SLC25A21: variants seen among roughly 807,000 people sequenced by gnomAD.
SLC25A21 encodes solute carrier family 25 member 21.
Under a neutral mutation model 43.8 loss-of-function variants are expected in SLC25A21, and 47 were observed. The observed-to-expected ratio is 1.07, with a 90% CI of 0.85 to 1.37. The LOEUF (loss-of-function observed/expected upper bound fraction) is 1.37. SLC25A21 is among the 40% of genes most tolerant of loss of function. SLC25A21 has a pLI of 0.00. For synonymous variants in SLC25A21, 131 were observed against 121.3 expected (o/e 1.08, Z -0.52); for missense variants, 352 against 350.2 (o/e 1.00, Z -0.04).
chr14:36,856,475 G>C (rs1285546129), intron 2 of SLC25A21, among the ~76,000 whole-genome samples: 6 of 152,150 alleles, frequency 3.9e-5, no homozygotes, highest in Non-Finnish European at 8.8e-5. Context: ...CTGCGAGTGG[G>C]CACTGGGGAG....
intron 4 of SLC25A21, among the ~76,000 whole-genome samples, chr14:36,730,972 GGT>G (rs1491277993): frequency 4.0e-4 from 60 of 149,132 alleles, no homozygotes; most frequent in Middle Eastern, 3.4e-3. Context: ...TATAATCTTA[GGT>G]TTTTTTTTTT....
At chr14:37,004,792 A>T (rs1376452070) in intron 1 of SLC25A21, among the ~76,000 whole-genome samples, 1 of 151,126 alleles carries the variant, frequency 6.6e-6, no homozygotes, top group East Asian at 2.0e-4. Context: ...TAGGGGGCAG[A>T]GCCGAGACTC....
chr14:36,678,186 T>G lies in SLC25A21; in HGVS notation c.*2472A>C. 1 of 447,488 alleles carries G rather than the reference T, an allele frequency of 2.2e-6. No homozygotes were observed. The highest frequency in any genetic ancestry group is 4.1e-6 in the Non-Finnish European group (1 of 246,722). 27.7% of individuals were successfully genotyped at this position (447,488 alleles called of 1,614,324 possible). A position where few individuals can be genotyped will look rare whatever the true frequency, so the allele number is the denominator to read the frequency against. ...GGCAATGCGGTTCCACCACATCGGT[T>G]TCGTGGCTTCGTTTAAAACTCAGAT... On this transcript the variant is annotated 3_prime_UTR_variant, in exon 10 of 10. Transcript: ENST00000331299.
chr14:37,009,952 TG>T (rs1264837179), intron 1 of SLC25A21, among the ~76,000 whole-genome samples: 1 of 152,158 alleles, frequency 6.6e-6, no homozygotes, highest in Non-Finnish European at 1.5e-5. Context: ...CTCAAATAAT[TG>T]TCTAATCTAG....
intron 2 of SLC25A21, among the ~76,000 whole-genome samples, chr14:36,850,730 C>T (rs1009971900): frequency 7.9e-5 from 12 of 152,138 alleles, no homozygotes; most frequent in African/African-American, 1.7e-4. Context: ...GCACAGGGCA[C>T]GAAAGCCTGA....
At position 36,947,809 on chromosome 14, in the gene SLC25A21, G is replaced by A. The variant is rs112429132; in HGVS notation, c.71-72805C>T. On this transcript the variant is annotated intron_variant, in intron 1 of 9. Coordinates refer to ENST00000331299, the MANE Select transcript of SLC25A21 (RefSeq NM_030631.4). ...GTGAAAGCATCTCAGGTTTTATTAG[G>A]TTAGTAATCCGATATTCATTTTTCC... Among the ~76,000 whole-genome samples, 284 of 152,184 alleles carry A rather than the reference G, an allele frequency of 1.9e-3. 2 individuals are homozygous for A. The highest frequency in any genetic ancestry group is 6.3e-3 in the African/African-American group (263 of 41,532).
At chr14:36,852,537 T>G (rs1889772927) in intron 2 of SLC25A21, among the ~76,000 whole-genome samples, 1 of 152,212 alleles carries the variant, frequency 6.6e-6, no homozygotes, top group Non-Finnish European at 1.5e-5. Context: ...TAGATTCCAC[T>G]CATTTCAAGG....
intron 1 of SLC25A21, among the ~76,000 whole-genome samples, chr14:36,884,131 T>G (rs1470997408): frequency 6.6e-6 from 1 of 152,178 alleles, no homozygotes; most frequent in Non-Finnish European, 1.5e-5. Context: ...ACATCTCCCC[T>G]TTCCCCATCC....
chr14:36,826,569 C>T (rs1385480003), intron 2 of SLC25A21, among the ~76,000 whole-genome samples: 1 of 152,170 alleles, frequency 6.6e-6, no homozygotes, highest in Non-Finnish European at 1.5e-5. Flanking sequence ...ACCAGAGAAC[C>T]TAGCTTGATT....
intron 1 of SLC25A21, among the ~76,000 whole-genome samples, chr14:36,891,240 T>G (rs1891064055): frequency 6.6e-6 from 1 of 152,320 alleles, no homozygotes; most frequent in South Asian, 2.1e-4. Context: ...CTTGGAATTC[T>G]ACAGGGTGAC....
At chr14:37,091,564 A>C (rs1436044338) in intron 1 of SLC25A21, among the ~76,000 whole-genome samples, 1 of 152,222 alleles carries the variant, frequency 6.6e-6, no homozygotes, top group Non-Finnish European at 1.5e-5. Flanking sequence ...TTCTTACAGT[A>C]TGACAACGGA....
intron 1 of SLC25A21, among the ~76,000 whole-genome samples, chr14:37,014,592 GT>G (rs769674390): frequency 1.2e-4 from 18 of 152,196 alleles, no homozygotes; most frequent in Non-Finnish European, 1.6e-4. Context: ...CCAAACTCCT[GT>G]CAATGTTGAT....
At chr14:36,744,863 C>CTTT (rs75687715) in intron 3 of SLC25A21, among the ~76,000 whole-genome samples, 13 of 151,026 alleles carry the variant, frequency 8.6e-5, no homozygotes, top group African/African-American at 3.2e-4. Context: ...AGGCATTTTT[C>CTTT]TTTTTTTTTA....
Position 36,679,318 on chromosome 14 carries a change from AT to A in SLC25A21, c.*1339del, listed in dbSNP as rs1292230732. The A allele has an allele frequency of 1.0e-6, 1 of 971,422 alleles. No individual in the cohort carries two copies. The highest frequency in any genetic ancestry group is 1.8e-5 in the African/African-American group (1 of 56,890). 60.2% of individuals were successfully genotyped at this position (971,422 alleles called of 1,614,324 possible). A position where few individuals can be genotyped will look rare whatever the true frequency, so the allele number is the denominator to read the frequency against. On this transcript the variant is annotated 3_prime_UTR_variant, in exon 10 of 10. Coordinates refer to ENST00000331299, the MANE Select transcript of SLC25A21 (RefSeq NM_030631.4). ...ATATACAGTATGTCAAAAGCCTTTTATTTTTATACTTCAAATGCTCTAAATT... is the reference window on the plus strand; with the variant it reads ...ATATACAGTATGTCAAAAGCCTTTTATTTTATACTTCAAATGCTCTAAATT...
At chr14:36,825,255 TTCATGATCTCTTCC>T (rs1184792823) in intron 2 of SLC25A21, among the ~76,000 whole-genome samples, 2,153 of 151,276 alleles carry the variant, frequency 0.014, 53 homozygotes, top group African/African-American at 0.049. Flanking sequence ...TTCTCTCTCT[TTCATGATCTCTTCC>T]TCTTTCTCTT....
At chr14:37,130,076 C>T (rs1471721368) in intron 1 of SLC25A21, among the ~76,000 whole-genome samples, 3 of 126,784 alleles carry the variant, frequency 2.4e-5, no homozygotes, top group African/African-American at 9.3e-5. Context: ...CATAGTGAGA[C>T]CCTGTCTCTA....
At chr14:37,018,750 G>A (rs143358340) in intron 1 of SLC25A21, among the ~76,000 whole-genome samples, 78 of 151,106 alleles carry the variant, frequency 5.2e-4, no homozygotes, top group South Asian at 8.4e-4. Context: ...CTCTAAGTGC[G>A]TGGCTTCCCT....
At chr14:36,693,817 A>C (rs546906692) in intron 7 of SLC25A21, among the ~76,000 whole-genome samples, 34 of 152,192 alleles carry the variant, frequency 2.2e-4, no homozygotes, top group African/African-American at 7.9e-4. Context: ...ATTTAAAAAA[A>C]ATGTTTTGGA....
intron 1 of SLC25A21, among the ~76,000 whole-genome samples, chr14:36,901,339 G>A (rs1378053459): frequency 6.6e-6 from 1 of 152,138 alleles, no homozygotes; most frequent in Non-Finnish European, 1.5e-5. Flanking sequence ...CTTCCAAATA[G>A]TAGCACAAGT....
Sources: allele counts gnomAD v4.1 joint callset (sites outside exome capture counted in the v4.1 genomes callset), GRCh38; gene constraint gnomAD v4.1.1; transcripts MANE v1.5; gene names NCBI Gene and HGNC (gene_info 2026-07-23, HGNC 2026-07-21).